The following ATRIP variants were observed in gnomAD, a reference collection of about 807,000 sequenced individuals.
The protein encoded by ATRIP is ATR interacting protein.
ATRIP carries 44 observed loss-of-function variants against 78.1 expected under a neutral mutation model. That is an observed-to-expected ratio of 0.56 (90% CI 0.44 to 0.72). The LOEUF (loss-of-function observed/expected upper bound fraction) is 0.72, where lower values mean the gene tolerates loss of function less well. Among genes scored for constraint, ATRIP ranks in the 30% least tolerant of loss-of-function variants. The pLI is 0.00. For missense variants in ATRIP, 927 were observed against 980.2 expected (o/e 0.95, Z 0.72); for synonymous variants, 388 against 408.9 (o/e 0.95, Z 0.62).
intron 1 of ATRIP, among the ~76,000 whole-genome samples, chr3:48,448,815 G>A (rs2039754129): frequency 6.6e-6 from 1 of 152,162 alleles, no homozygotes; most frequent in Non-Finnish European, 1.5e-5. Flanking sequence ...TCATATTATA[G>A]GCTTTCCTAT....
chr3:48,460,668 G>C lies in ATRIP; in HGVS notation c.1614G>C (p.Leu538=). The stretch of plus-strand genomic sequence containing the variant: ...CTGATGACCAAGGACAGCACCCACT[G>C]TTGAAGATGCTTCTTCACCTGTTGG... The part of the protein sequence containing the change: ...GVADDQGQHP[L]LKMLLHLLAF... The change falls in exon 8 of 13, where the codon CTG becomes CTC. Residue 538 remains leucine (L), a synonymous_variant. Coordinates refer to ENST00000320211, the MANE Select transcript of ATRIP (RefSeq NM_130384.3). 6.2e-7 allele frequency: 1 copy of C among 1,614,152 alleles called. No homozygotes were observed. The highest frequency in any genetic ancestry group is 2.2e-5 in the East Asian group (1 of 44,890).
rs140238210 is a variant in ATRIP at position 48,446,777 on chromosome 3, C to G, written c.-69C>G. 2.8e-3 allele frequency: 3,772 copies of G among 1,349,108 alleles called. 80 individuals carry two copies. The African/African-American group carries it at 0.047, about 17-fold the overall frequency. 83.6% of individuals were successfully genotyped at this position (1,349,108 alleles called of 1,614,324 possible). A position where few individuals can be genotyped will look rare whatever the true frequency, so the allele number is the denominator to read the frequency against. On this transcript the variant is annotated 5_prime_UTR_variant, in exon 1 of 13. Coordinates refer to ENST00000320211, the MANE Select transcript of ATRIP (RefSeq NM_130384.3). ...AAGCGGCGGCGCGCGGACGGTTGGT[C>G]CAGTTCTCCGGCCTGGCGGCAGGCA... is the stretch of plus-strand genomic sequence containing the variant.
At chr3:48,450,975 G>T (rs921810260) in intron 2 of ATRIP, among the ~76,000 whole-genome samples, 1 of 149,814 alleles carries the variant, frequency 6.7e-6, no homozygotes, top group Non-Finnish European at 1.5e-5. Context: ...GATCACCTGA[G>T]GTCAGGAGTT....
chr3:48,464,600 A>C lies in ATRIP; in HGVS notation c.1993A>C (p.Lys665Gln). ...GTTCTAGGTGGTGTGGCTCCTGGCT[A>C]AGCTTGGTGTGCAGAGCCCCTTGCC... ...LEQEVVWLLA[K>Q]LGVQSPLPPV... Residue 665 changes from lysine (K) to glutamine (Q), a missense_variant, in exon 11 of 13, where the codon AAG becomes CAG. Physicochemically the swap from Lys to Gln is moderately conservative, Grantham distance 53. Transcript: ENST00000320211. 2 of 1,614,190 alleles carry C rather than the reference A, an allele frequency of 1.2e-6. No homozygotes were observed. The highest frequency in any genetic ancestry group is 1.7e-6 in the Non-Finnish European group (2 of 1,180,006).
chr3:48,447,806 G>T (rs566506182), intron 1 of ATRIP, among the ~76,000 whole-genome samples: 2 of 152,250 alleles, frequency 1.3e-5, no homozygotes, highest in African/African-American at 4.8e-5. Context: ...CATGGTGCCG[G>T]CAAAGCAGAC....
intron 5 of ATRIP, among the ~76,000 whole-genome samples, chr3:48,457,819 C>T (rs997027780): frequency 6.6e-6 from 1 of 152,090 alleles, no homozygotes; most frequent in Non-Finnish European, 1.5e-5. Flanking sequence ...TGAGTCTGGG[C>T]GTCATTCAAG....
In ATRIP at chr3:48,466,084, A is replaced by G; in HGVS notation, c.*530A>G. On this transcript the variant is annotated 3_prime_UTR_variant, in exon 13 of 13. Coordinates refer to ENST00000320211, the MANE Select transcript of ATRIP (RefSeq NM_130384.3). ...TGCCACCAGCAGGCCACAGCTGTGG[A>G]TCTTGGAAGGCCTCTGGGGTCCCCC... The G allele has an allele frequency of 5.5e-6, 2 of 364,332 alleles. No homozygotes were observed. The highest frequency in any genetic ancestry group is 1.1e-5 in the Non-Finnish European group (2 of 189,436). 22.6% of individuals were successfully genotyped at this position (364,332 alleles called of 1,614,324 possible). A position where few individuals can be genotyped will look rare whatever the true frequency, so the allele number is the denominator to read the frequency against.
At chr3:48,457,548 G>A in intron 5 of ATRIP, 132 bp downstream of exon 5, 1 of 697,384 alleles carries the variant, frequency 1.4e-6, no homozygotes, top group Non-Finnish European at 2.1e-6. Flanking sequence ...AATCTCTGCA[G>A]GGACTGGAAT....
chr3:48,459,511 A>G, intron 6 of ATRIP, 57 bp downstream of exon 6: 1 of 1,530,726 alleles, frequency 6.5e-7, no homozygotes, highest in Non-Finnish European at 9.0e-7. Flanking sequence ...TAATATGCAG[A>G]AGAATTGCCC....
intron 4 of ATRIP, among the ~76,000 whole-genome samples, chr3:48,454,860 T>TG (rs2107207319): frequency 7.6e-6 from 1 of 132,440 alleles, no homozygotes; most frequent in South Asian, 3.0e-4. Flanking sequence ...GCTCAACTTG[T>TG]TTTTTTTTTC....
chr3:48,459,704 A>G lies in ATRIP; in HGVS notation c.926-83A>G, dbSNP rs1207158051. ...CAGCCTAGAGGACAGTTGGCATCCA[A>G]AGAATCCTTACTGTTTCCTTCTGAA... is the stretch of plus-strand genomic sequence containing the variant. On this transcript the variant is annotated intron_variant, in intron 6 of 12. Transcript: ENST00000320211. 4.5e-6 allele frequency: 7 copies of G among 1,554,524 alleles called. No individual in the cohort carries two copies. In the Middle Eastern group the frequency reaches 5.1e-4, roughly 113 times the overall value.
In ATRIP at chr3:48,450,019, T is replaced by A. The variant is rs182766845; in HGVS notation, c.248-18T>A. On this transcript the variant is annotated intron_variant, in intron 1 of 12. Coordinates refer to ENST00000320211, the MANE Select transcript of ATRIP (RefSeq NM_130384.3). The stretch of plus-strand genomic sequence containing the variant: ...AAAATATTGGGTCCTGAAATGTATA[T>A]GGAACTATTTTTTACAGGTGATCAT... 4.7e-3 allele frequency: 7,450 copies of A among 1,599,696 alleles called. 26 individuals carry two copies. Among genetic ancestry groups the A allele is most frequent in the Non-Finnish European group, 5.8e-3 (6,796 of 1,175,376 alleles).
At chr3:48,452,026 C>T in intron 3 of ATRIP, 127 bp downstream of exon 3, 1 of 907,690 alleles carries the variant, frequency 1.1e-6, no homozygotes, top group Non-Finnish European at 1.6e-6. Flanking sequence ...GCTATCATCT[C>T]ATTGCCATCC....
rs1178726287 is a variant in ATRIP at position 48,460,308 on chromosome 3, T to C, written c.1254T>C (p.His418=). 1 of 1,613,998 alleles carries C rather than the reference T, an allele frequency of 6.2e-7. No homozygotes were observed. The highest frequency in any genetic ancestry group is 1.1e-5 in the South Asian group (1 of 91,072). ...FPLCQLPGAV[H]FLPLVQFFIG... is the part of the protein sequence containing the mutation. ...TCTGCCAGCTTCCTGGAGCCGTGCA[T>C]TTCCTCCCCCTTGTACAGTTCTTCA... The change falls in exon 8 of 13, where the codon CAT becomes CAC. Residue 418 remains histidine (H), a synonymous_variant. Coordinates refer to ENST00000320211, the MANE Select transcript of ATRIP (RefSeq NM_130384.3).
At chr3:48,464,473 G>T in intron 10 of ATRIP, 109 bp from the exon 11 acceptor site, 1 of 1,238,870 alleles carries the variant, frequency 8.1e-7, no homozygotes, top group South Asian at 1.2e-5. Flanking sequence ...CCCCATTTGT[G>T]CAGACAAACA....
Position 48,446,998 on chromosome 3 carries a change from G to C in ATRIP, c.153G>C (p.Ala51=). The change falls in exon 1 of 13, where the codon GCG becomes GCC. Residue 51 remains alanine (A), a synonymous_variant. Coordinates refer to ENST00000320211, the MANE Select transcript of ATRIP (RefSeq NM_130384.3). ...AAPDPDDPFG[A]HGDFTADDLE... ...CGGACCCTGACGACCCGTTCGGCGC[G>C]CATGGGGACTTCACTGCCGACGACC... is the stretch of plus-strand genomic sequence containing the variant. The C allele has an allele frequency of 6.3e-7, 1 of 1,578,654 alleles. No individual in the cohort carries two copies. Among genetic ancestry groups the C allele is most frequent in the Non-Finnish European group, 8.6e-7 (1 of 1,165,546 alleles).
At chr3:48,455,663 T>G (rs1302872863) in intron 4 of ATRIP, among the ~76,000 whole-genome samples, 1 of 151,842 alleles carries the variant, frequency 6.6e-6, no homozygotes, top group African/African-American at 2.4e-5. Context: ...CTAGTTTTTT[T>G]GTATTTTTTT....
rs1339672950 is a variant in ATRIP at position 48,466,299 on chromosome 3, T to G, written c.*745T>G. On this transcript the variant is annotated 3_prime_UTR_variant, in exon 13 of 13. Coordinates refer to ENST00000320211, the MANE Select transcript of ATRIP (RefSeq NM_130384.3). Reference sequence around the variant, plus strand: ...GCCGAGTCACTACTGCCTGCCTGCCTGCCTGCTACGGTGAGTGTGGCCCCC... The same window carrying G: ...GCCGAGTCACTACTGCCTGCCTGCCGGCCTGCTACGGTGAGTGTGGCCCCC... 2.8e-6 allele frequency: 2 copies of G among 713,400 alleles called. No homozygotes were observed. The highest frequency in any genetic ancestry group is 4.9e-6 in the Non-Finnish European group (2 of 409,318). The allele number at this position is 713,400 out of a possible 1,614,324, so 44.2% of individuals were successfully genotyped here.
In ATRIP at chr3:48,454,305, A is replaced by G. The variant is rs571973346; in HGVS notation, c.558A>G (p.Gln186=). ...ATGTTTCTTTTGCCTTCCAGCTCCA[A>G]TCATTGCAGTCTGAACTCCAGTTTA... is the stretch of plus-strand genomic sequence containing the variant. ...DKEKEFSKKL[Q]SLQSELQFKD... Residue 186 remains glutamine, a synonymous_variant, in exon 4 of 13, where the codon CAA becomes CAG. Transcript: ENST00000320211. 11 of 1,605,062 alleles carry G rather than the reference A, an allele frequency of 6.9e-6. No homozygotes were observed. The highest frequency in any genetic ancestry group is 3.3e-5 in the Admixed American group (2 of 59,980).
Sources: gnomAD v4.1 joint callset for allele counts (sites outside exome capture counted in the v4.1 genomes callset) on GRCh38, gnomAD v4.1.1 for gene constraint, MANE v1.5 for transcripts, NCBI Gene and HGNC (gene_info 2026-07-23, HGNC 2026-07-21) for gene names.